ZNF512: variants seen among roughly 807,000 people sequenced by gnomAD.
ZNF512 encodes the protein zinc finger protein 512.
In ZNF512, 25 loss-of-function variants were observed where a neutral mutation model predicts 77.5. The ratio of observed to expected loss-of-function variants is 0.32; its 90% CI spans 0.23 to 0.45. The LOEUF is 0.45. ZNF512 is among the 20% of genes least tolerant of loss of function. The pLI is 1.00. For synonymous variants in ZNF512, 246 were observed against 239.9 expected, an observed-to-expected ratio of 1.03 and a Z score of -0.24; for missense variants, 483 against 692.6, an observed-to-expected ratio of 0.70 and a Z score of 3.40.
chr2:27,623,117 G>A lies in ZNF512; in HGVS notation c.*1656G>A, dbSNP rs995457223. On this transcript the variant is annotated 3_prime_UTR_variant, in exon 14 of 14. Transcript: ENST00000355467. ...AAAGATGTTTCCAGTGTTCTTTGAC[G>A]CCGACCTGCTGCATGACTCCTTGAC... is the stretch of plus-strand genomic sequence containing the variant. 6.6e-6 allele frequency: 1 copy of A among 152,458 alleles called. No individual in the cohort carries two copies. The highest frequency in any genetic ancestry group is 1.5e-5 in the Non-Finnish European group (1 of 68,044). 9.4% of individuals were successfully genotyped at this position (152,458 alleles called of 1,614,324 possible). A position where few individuals can be genotyped will look rare whatever the true frequency, so the allele number is the denominator to read the frequency against.
At chr2:27,609,760 T>C (rs1672526290) in intron 10 of ZNF512, among the ~76,000 whole-genome samples, 1 of 152,042 alleles carries the variant, frequency 6.6e-6, no homozygotes, top group African/African-American at 2.4e-5. Context: ...TCCCAGCTGC[T>C]TGGGAGGCTG....
chr2:27,617,219 AG>A (rs1672919571), intron 12 of ZNF512: 1 of 376,264 alleles, frequency 2.7e-6, no homozygotes. Context: ...ATATTACCTG[AG>A]AAAAAGTAGG....
intron 10 of ZNF512, among the ~76,000 whole-genome samples, chr2:27,611,719 A>T (rs1427853067): frequency 5.0e-5 from 7 of 138,672 alleles, no homozygotes; most frequent in African/African-American, 1.7e-4. Context: ...TTTTTTGGAG[A>T]CGGAGTCTCA....
intron 13 of ZNF512, 85 bp downstream of exon 13, chr2:27,617,656 C>T (rs2148046639): frequency 2.9e-6 from 2 of 701,608 alleles, no homozygotes; most frequent in East Asian, 2.5e-5. Flanking sequence ...CTAAGGCTGT[C>T]AAGGAAAGTA....
At position 27,588,533 on chromosome 2, in the gene ZNF512, A is replaced by G. The variant is rs192907246; in HGVS notation, c.89+4817A>G. ...TTGTTGGAAAGAGTTTTCTTTCCCT[A>G]CTGAATTGCCTTGGCATCTTTGTCA... On this transcript the variant is annotated intron_variant, in intron 2 of 13. Coordinates refer to ENST00000355467, the MANE Select transcript of ZNF512 (RefSeq NM_032434.4). 2.7e-3 allele frequency among the ~76,000 whole-genome samples: 408 copies of G among 152,072 alleles called. 3 individuals carry two copies. The highest frequency in any genetic ancestry group is 4.3e-3 in the Admixed American group (65 of 15,266).
chr2:27,603,590 A>ATATATTTT (rs1553352045), intron 9 of ZNF512, among the ~76,000 whole-genome samples: 3 of 85,660 alleles, frequency 3.5e-5, no homozygotes, highest in African/African-American at 1.4e-4. Flanking sequence ...GTGTGTGTAT[A>ATATATTTT]TTTTTTTTTT....
chr2:27,595,553 C>T (rs1671830418), intron 2 of ZNF512, among the ~76,000 whole-genome samples: 1 of 152,172 alleles, frequency 6.6e-6, no homozygotes, highest in Non-Finnish European at 1.5e-5. Flanking sequence ...TCTCGAACTC[C>T]TGACCTTGTG....
At chr2:27,599,786 C>A (rs1672035741) in intron 4 of ZNF512, 108 bp downstream of exon 4, 7 of 1,196,026 alleles carry the variant, frequency 5.9e-6, no homozygotes, top group East Asian at 2.5e-5. Context: ...ACCTCTGAGC[C>A]CTTTGAATTG....
chr2:27,597,699 A>G (rs1170518688), intron 2 of ZNF512, among the ~76,000 whole-genome samples: 1 of 152,200 alleles, frequency 6.6e-6, no homozygotes, highest in African/African-American at 2.4e-5. Flanking sequence ...TCCCTCTGTC[A>G]GAGAAAGAGA....
At chr2:27,603,037 C>G (rs1219726129) in intron 8 of ZNF512, 103 bp from the exon 9 acceptor site, 2 of 1,323,372 alleles carry the variant, frequency 1.5e-6, no homozygotes, top group African/African-American at 1.5e-5. Flanking sequence ...ATCAGAGGGT[C>G]TATTTGTATT....
At chr2:27,597,155 G>A (rs1447643740) in intron 2 of ZNF512, among the ~76,000 whole-genome samples, 3 of 152,158 alleles carry the variant, frequency 2.0e-5, no homozygotes, top group Non-Finnish European at 4.4e-5. Context: ...GATGTCATAA[G>A]CAAACCTCTC....
At chr2:27,614,745 C>T (rs1172584201) in intron 10 of ZNF512, among the ~76,000 whole-genome samples, 1 of 151,186 alleles carries the variant, frequency 6.6e-6, no homozygotes, top group Non-Finnish European at 1.5e-5. Flanking sequence ...CACTTCTAAC[C>T]TTTTACTCAT....
At chr2:27,586,646 A>G (rs1029823669) in intron 2 of ZNF512, among the ~76,000 whole-genome samples, 2 of 152,220 alleles carry the variant, frequency 1.3e-5, no homozygotes, top group Non-Finnish European at 1.5e-5. Flanking sequence ...TAGACTGCAC[A>G]TATTTAAAGC....
chr2:27,603,586 G>GTGTGTGTGTGTGTGTATATATA (rs140043162), intron 9 of ZNF512, among the ~76,000 whole-genome samples: 1 of 72,486 alleles, frequency 1.4e-5, no homozygotes, highest in African/African-American at 5.9e-5. Flanking sequence ...GTGTGTGTGT[G>GTGTGTGTGTGTGTGTATATATA]TATATTTTTT....
At chr2:27,589,385 G>C (rs6760250) in intron 2 of ZNF512, among the ~76,000 whole-genome samples, 1 of 151,908 alleles carries the variant, frequency 6.6e-6, no homozygotes, top group Non-Finnish European at 1.5e-5. Context: ...CCATTGATTA[G>C]CATAAAGTTA....
At chr2:27,607,809 A>T (rs375946830) in intron 9 of ZNF512, 36 bp from the exon 10 acceptor site, 117 of 1,602,142 alleles carry the variant, frequency 7.3e-5, no homozygotes, top group Non-Finnish European at 9.8e-5. Context: ...GATGCCACTT[A>T]TCAGGCCTGT....
At chr2:27,593,448 G>A (rs76013440) in intron 2 of ZNF512, among the ~76,000 whole-genome samples, 25,734 of 151,002 alleles carry the variant, frequency 0.17, 2,752 homozygotes, top group East Asian at 0.36. Context: ...GCAAGACCCT[G>A]TCTCTATGAA....
intron 11 of ZNF512, 60 bp downstream of exon 11, chr2:27,615,329 G>T: frequency 9.0e-7 from 1 of 1,113,234 alleles, no homozygotes; most frequent in East Asian, 2.6e-5. Flanking sequence ...TCTTGCTTCT[G>T]TTATTTATTC....
chr2:27,617,710 T>C (rs1284919584), intron 13 of ZNF512, 139 bp downstream of exon 13: 2 of 571,368 alleles, frequency 3.5e-6, no homozygotes, highest in Non-Finnish European at 6.4e-6. Flanking sequence ...AAATATTCTC[T>C]AAACTTAGAT....
Sources: gnomAD v4.1 joint callset for allele counts (sites outside exome capture counted in the v4.1 genomes callset) on GRCh38, gnomAD v4.1.1 for gene constraint, MANE v1.5 for transcripts, NCBI Gene and HGNC (gene_info 2026-07-23, HGNC 2026-07-21) for gene names.